Variants in CKAP5 observed in about 807,000 individuals in gnomAD.
CKAP5 encodes cytoskeleton associated protein 5.
CKAP5 carries 27 observed loss-of-function variants against 232.8 expected under a neutral mutation model. The ratio of observed to expected loss-of-function variants is 0.12; its 90% confidence interval spans 0.09 to 0.16. The LOEUF (loss-of-function observed/expected upper bound fraction) is 0.16. CKAP5 is among the 10% of genes least tolerant of loss of function. The pLI, the probability that CKAP5 is intolerant of heterozygous loss-of-function variation, is 1.00. For synonymous variants in CKAP5, 785 were observed against 841.1 expected (o/e 0.93, Z 1.16); for missense variants, 1,838 against 2,424.7 (o/e 0.76, Z 5.08).
rs1238411073 is a variant in CKAP5, at chr11:46,798,069, T to C, written c.1173+14A>G. On this transcript the variant is annotated intron_variant, in intron 10 of 43. Transcript: ENST00000529230. ...TACTTCAGATAAAACTACAAACTCA[T>C]GCTGTCAACTTACAGTAAGGAAGAT... 1.2e-6 allele frequency: 2 copies of C among 1,611,882 alleles called. No individual in the cohort carries two copies. Among genetic ancestry groups the C allele is most frequent in the East Asian group, 2.2e-5 (1 of 44,864 alleles).
chr11:46,777,356 C>T (rs2065299726), intron 23 of CKAP5, 83 bp downstream of exon 23: 2 of 788,170 alleles, frequency 2.5e-6, no homozygotes, highest in Non-Finnish European at 2.2e-6. Context: ...CTTTACATGA[C>T]TCTAAAAAGA....
chr11:46,807,581 A>G (rs1301364695), intron 8 of CKAP5, among the ~76,000 whole-genome samples: 1 of 152,236 alleles, frequency 6.6e-6, no homozygotes, highest in Non-Finnish European at 1.5e-5. Context: ...TTTCCTAAAA[A>G]TGTTTATCTC....
intron 8 of CKAP5, among the ~76,000 whole-genome samples, chr11:46,805,120 A>C (rs1385941168): frequency 1.3e-5 from 2 of 151,790 alleles, no homozygotes; most frequent in Admixed American, 6.6e-5. Flanking sequence ...CTGTAATCCC[A>C]GCTACTCAGG....
At chr11:46,782,126 G>A (rs1324643748) in intron 18 of CKAP5, among the ~76,000 whole-genome samples, 3 of 151,920 alleles carry the variant, frequency 2.0e-5, no homozygotes, top group Non-Finnish European at 1.5e-5. Flanking sequence ...CGCCCGGCCT[G>A]CCTGCCTCTC....
At chr11:46,748,762 G>A (rs1479980651) in intron 42 of CKAP5, among the ~76,000 whole-genome samples, 1 of 151,958 alleles carries the variant, frequency 6.6e-6, no homozygotes, top group Non-Finnish European at 1.5e-5. Context: ...GAGCGAGACT[G>A]TCTCAAAACA....
intron 35 of CKAP5, among the ~76,000 whole-genome samples, chr11:46,756,937 G>A (rs964558522): frequency 6.0e-4 from 71 of 119,172 alleles, no homozygotes; most frequent in Non-Finnish European, 1.2e-3. Flanking sequence ...TTTTTTTTTT[G>A]TATTTTTAAT....
intron 24 of CKAP5, among the ~76,000 whole-genome samples, chr11:46,775,738 C>T (rs972856863): frequency 3.3e-5 from 5 of 151,956 alleles, no homozygotes; most frequent in Non-Finnish European, 5.9e-5. Flanking sequence ...CACCAAACAC[C>T]GCAATTTCTC....
chr11:46,760,948 G>A (rs2065149626), intron 32 of CKAP5, among the ~76,000 whole-genome samples, 164 bp from the exon 33 acceptor site: 1 of 152,158 alleles, frequency 6.6e-6, no homozygotes, highest in African/African-American at 2.4e-5. Context: ...AGGAAGAGGA[G>A]ATATGAAAGA....
chr11:46,804,579 T>C (rs923957549), intron 8 of CKAP5, among the ~76,000 whole-genome samples: 2 of 152,178 alleles, frequency 1.3e-5, no homozygotes. Context: ...ACAAAGTGCT[T>C]TAAAGTAATT....
In CKAP5 at chr11:46,818,509, A is replaced by C. The variant is rs757120014; in HGVS notation, c.58-6T>G. The C allele has an allele frequency of 3.2e-6, 5 of 1,542,718 alleles. No homozygotes were observed. Among genetic ancestry groups the C allele is most frequent in the Admixed American group, 4.5e-5 (2 of 44,720 alleles). ...CTTAACCTTGCTTTCCACAGCTAAA[A>C]GAAAAGTAGTATTTTGAAACAAAAC... is the stretch of plus-strand genomic sequence containing the variant. On this transcript the variant is annotated splice_polypyrimidine_tract_variant and splice_region_variant and intron_variant, in intron 2 of 43. Coordinates refer to ENST00000529230, the MANE Select transcript of CKAP5 (RefSeq NM_001008938.4).
In CKAP5 at chr11:46,744,417, G is replaced by A. The variant is rs1484533271; in HGVS notation, c.5856+9C>T. The A allele has an allele frequency of 6.2e-7, 1 of 1,613,980 alleles. No individual in the cohort carries two copies. Among genetic ancestry groups the A allele is most frequent in the Non-Finnish European group, 8.5e-7 (1 of 1,180,036 alleles). ...CTCCCTGAACTGCACAGAAGAAAAG[G>A]AGCAGTACCTTTGTGTTGTCCAGAC... On this transcript the variant is annotated intron_variant, in intron 43 of 43. Transcript: ENST00000529230.
At position 46,776,247 on chromosome 11, in the gene CKAP5, A is replaced by T. The variant is rs1387963708; in HGVS notation, c.2991+8T>A. 6.2e-7 allele frequency: 1 copy of T among 1,613,194 alleles called. No homozygotes were observed. The highest frequency in any genetic ancestry group is 8.5e-7 in the Non-Finnish European group (1 of 1,179,542). On this transcript the variant is annotated splice_region_variant and intron_variant, in intron 24 of 43. Transcript: ENST00000529230. ...GAGTAATGCACATGATTAATTTATG[A>T]TACTAACCTCTTGCCTCAAGAAAGG...
intron 28 of CKAP5, among the ~76,000 whole-genome samples, chr11:46,764,262 A>G (rs1461252098): frequency 6.6e-6 from 1 of 152,228 alleles, no homozygotes; most frequent in Admixed American, 6.5e-5. Flanking sequence ...TATGCATATC[A>G]TCATTCTAGG....
rs559049395 is a variant in CKAP5 at position 46,841,086 on chromosome 11, T to C, written c.-38+5134A>G. On this transcript the variant is annotated intron_variant, in intron 1 of 43. Coordinates refer to ENST00000529230, the MANE Select transcript of CKAP5 (RefSeq NM_001008938.4). ...GAGTTCAAGACCAGCCTGGCCAAAATGGAGAAACCCCGTCTCTACTAAAAA... is the reference window on the plus strand; with the variant it reads ...GAGTTCAAGACCAGCCTGGCCAAAACGGAGAAACCCCGTCTCTACTAAAAA... Among the ~76,000 whole-genome samples the C allele has an allele frequency of 2.6e-5, 4 of 151,996 alleles. No homozygotes were observed. In the East Asian group the frequency reaches 7.7e-4, roughly 29 times the overall value.
chr11:46,828,339 C>G (rs1939701114), intron 1 of CKAP5, among the ~76,000 whole-genome samples: 2 of 152,126 alleles, frequency 1.3e-5, no homozygotes, highest in African/African-American at 4.8e-5. Context: ...ACTGCCAAGA[C>G]AGTCTCATTC....
intron 13 of CKAP5, among the ~76,000 whole-genome samples, chr11:46,791,898 G>A (rs967934699): frequency 1.3e-5 from 2 of 152,056 alleles, no homozygotes; most frequent in South Asian, 4.1e-4. Context: ...AAATGAAAGG[G>A]GATCAAATTA....
intron 23 of CKAP5, 76 bp from the exon 24 acceptor site, chr11:46,776,459 G>A: frequency 1.6e-6 from 2 of 1,218,010 alleles, no homozygotes; most frequent in Non-Finnish European, 1.1e-6. Context: ...GTTGCTTTAT[G>A]AACATGAACA....
At chr11:46,801,136 C>A (rs10734549) in intron 9 of CKAP5, 64 bp downstream of exon 9, 842,370 of 1,172,844 alleles carry the variant, frequency 0.72, 310,185 homozygotes, top group Non-Finnish European at 0.77. Flanking sequence ...AAGCAAACAG[C>A]AAACTAGGCC....
chr11:46,825,289 T>A (rs1448321925), intron 1 of CKAP5, among the ~76,000 whole-genome samples: 4 of 152,158 alleles, frequency 2.6e-5, no homozygotes, highest in Non-Finnish European at 5.9e-5. Flanking sequence ...CCAAAATCTG[T>A]GCATTTTCTC....
Sources: gnomAD v4.1 joint callset for allele counts (sites outside exome capture counted in the v4.1 genomes callset) on GRCh38, gnomAD v4.1.1 for gene constraint, MANE v1.5 for transcripts, NCBI Gene and HGNC (gene_info 2026-07-23, HGNC 2026-07-21) for gene names.